DYNC2H1: variants seen among roughly 807,000 people sequenced by gnomAD.
The protein encoded by DYNC2H1 is cytoplasmic dynein 2 heavy chain 1.
In DYNC2H1, 410 loss-of-function variants were observed where a neutral mutation model predicts 570.0. The observed-to-expected ratio is 0.72, with a 90% CI of 0.66 to 0.78. DYNC2H1 has a LOEUF of 0.78. DYNC2H1 is among the 30% of genes least tolerant of loss of function. DYNC2H1 has a pLI of 0.00. For synonymous variants in DYNC2H1, 1,688 were observed against 1,677.6 expected (o/e 1.01, Z -0.15); for missense variants, 4,865 against 5,046.4 (o/e 0.96, Z 1.09).
In DYNC2H1 at chr11:103,390,265, C is replaced by T. The variant is rs1942080538; in HGVS notation, c.12157-9398C>T. Among the ~76,000 whole-genome samples the T allele has an allele frequency of 2.6e-5, 4 of 151,678 alleles. No individual in the cohort carries two copies. The South Asian group carries it at 8.3e-4, about 32-fold the overall frequency. On this transcript the variant is annotated intron_variant, in intron 83 of 88. Transcript: ENST00000375735. ...ACCATTATGTAATGGCCTTCTTTGT[C>T]TCTTTTGATCTTTGTTGGCTTAAAG...
chr11:103,283,574 A>G (rs1039419138), intron 73 of DYNC2H1, among the ~76,000 whole-genome samples: 2 of 152,162 alleles, frequency 1.3e-5, no homozygotes, highest in Admixed American at 1.3e-4. Context: ...GCATTTACTG[A>G]TGGCTTACTA....
At chr11:103,303,617 A>G (rs779176241) in intron 76 of DYNC2H1, among the ~76,000 whole-genome samples, 2 of 152,078 alleles carry the variant, frequency 1.3e-5, no homozygotes, top group Non-Finnish European at 2.9e-5. Context: ...AGATGGAGGA[A>G]CGGGCCATAA....
chr11:103,372,164 G>A (rs375182849), intron 83 of DYNC2H1, among the ~76,000 whole-genome samples: 5 of 148,314 alleles, frequency 3.4e-5, no homozygotes, highest in South Asian at 4.4e-4. Context: ...TTCAGCCTCC[G>A]AGTAGCTGGG....
chr11:103,221,888 T>C, intron 57 of DYNC2H1, 142 bp from the exon 58 acceptor site: 1 of 768,986 alleles, frequency 1.3e-6, no homozygotes, highest in Non-Finnish European at 2.0e-6. Flanking sequence ...GATAATACAT[T>C]AGAAGCTTAA....
At chr11:103,220,135 A>C in intron 56 of DYNC2H1, 107 bp downstream of exon 56, 1 of 605,290 alleles carries the variant, frequency 1.7e-6, no homozygotes, top group Non-Finnish European at 2.6e-6. Context: ...AGTATTATAA[A>C]ATGTGGTTTT....
Position 103,451,419 on chromosome 11 carries a change from G to T in DYNC2H1, c.12457-3767G>T, listed in dbSNP as rs921208505. Among the ~76,000 whole-genome samples the T allele has an allele frequency of 4.0e-5, 5 of 124,916 alleles. No homozygotes were observed. The Admixed American group carries it at 5.4e-4, about 13-fold the overall frequency. The allele number at this position is 124,916 out of a possible 152,430, so 81.9% of individuals were successfully genotyped here. On this transcript the variant is annotated intron_variant, in intron 85 of 88. Coordinates refer to ENST00000375735, the MANE Select transcript of DYNC2H1 (RefSeq NM_001377.3). ...ACAATCTCGGCTCACTGCAACCTCCGCCTCCCAGGTTCAAGCGATTCTCCT... is the reference window on the plus strand; with the variant it reads ...ACAATCTCGGCTCACTGCAACCTCCTCCTCCCAGGTTCAAGCGATTCTCCT...
At chr11:103,192,345 A>T in intron 47 of DYNC2H1, 81 bp downstream of exon 47, 1 of 1,005,628 alleles carries the variant, frequency 9.9e-7, no homozygotes, top group Non-Finnish European at 1.3e-6. Context: ...ATGATTTTAT[A>T]GGTCTAAACA....
intron 84 of DYNC2H1, among the ~76,000 whole-genome samples, chr11:103,432,287 A>G (rs1276647754): frequency 6.6e-6 from 1 of 152,168 alleles, no homozygotes; most frequent in Non-Finnish European, 1.5e-5. Flanking sequence ...TCAAGCTTTT[A>G]TCACCTCTCC....
At chr11:103,399,056 A>AT (rs1275298003) in intron 83 of DYNC2H1, among the ~76,000 whole-genome samples, 1 of 147,978 alleles carries the variant, frequency 6.8e-6, no homozygotes, top group African/African-American at 2.5e-5. Context: ...ACGGGATGCC[A>AT]TTTTTTCTAC....
intron 87 of DYNC2H1, among the ~76,000 whole-genome samples, chr11:103,459,135 C>A (rs1944903897): frequency 6.7e-6 from 1 of 150,282 alleles, no homozygotes; most frequent in Non-Finnish European, 1.5e-5. Context: ...CGGTGAAACC[C>A]CGTCTCTACT....
chr11:103,361,470 CA>C (rs1940636105), intron 83 of DYNC2H1, among the ~76,000 whole-genome samples: 2 of 143,870 alleles, frequency 1.4e-5, no homozygotes, highest in Admixed American at 1.5e-4. Context: ...TTTGTTATAG[CA>C]ACCAGAACAG....
At position 103,321,154 on chromosome 11, in the gene DYNC2H1, T is replaced by A. The variant is rs1565493303; in HGVS notation, c.11851T>A (p.Ser3951Thr). The A allele has an allele frequency of 1.2e-6, 2 of 1,612,118 alleles. No individual in the cohort carries two copies. Among genetic ancestry groups the A allele is most frequent in the Non-Finnish European group, 1.7e-6 (2 of 1,178,902 alleles). ...QSYLKQFFNS[S>T]VIDVFNQRNK... is the part of the protein sequence containing the mutation. Reference sequence around the variant, plus strand: ...ATACCTGAAGCAGTTTTTTAATTCTTCAGTTATTGATGTATTCAACCAAAG... The same window carrying A: ...ATACCTGAAGCAGTTTTTTAATTCTACAGTTATTGATGTATTCAACCAAAG... Residue 3951 changes from serine to threonine, a missense_variant, in exon 81 of 89, where the codon TCA becomes ACA. Physicochemically the swap from Ser to Thr is moderately conservative, Grantham distance 58. Transcript: ENST00000375735.
intron 12 of DYNC2H1, among the ~76,000 whole-genome samples, chr11:103,126,786 G>A (rs1166526854): frequency 4.6e-5 from 7 of 151,924 alleles, no homozygotes; most frequent in Non-Finnish European, 8.8e-5. Flanking sequence ...ATAGGGGCCC[G>A]CCACCAAGCA....
At chr11:103,426,601 C>T (rs578118612) in intron 84 of DYNC2H1, among the ~76,000 whole-genome samples, 36 of 152,230 alleles carry the variant, frequency 2.4e-4, no homozygotes, top group Non-Finnish European at 4.4e-4. Flanking sequence ...TCTATGTTAG[C>T]TTGGAAGACT....
intron 85 of DYNC2H1, among the ~76,000 whole-genome samples, chr11:103,450,429 A>C (rs753865059): frequency 7.5e-4 from 114 of 152,232 alleles, no homozygotes; most frequent in Non-Finnish European, 1.2e-3. Flanking sequence ...GGTAGGTCAC[A>C]TTCTGTGCCA....
chr11:103,144,948 T>C (rs2134838191), intron 18 of DYNC2H1, among the ~76,000 whole-genome samples: 2 of 152,114 alleles, frequency 1.3e-5, no homozygotes, highest in East Asian at 1.9e-4. Flanking sequence ...TGGCATGATA[T>C]ATGCTCACTG....
intron 27 of DYNC2H1, 29 bp downstream of exon 27, chr11:103,158,838 T>C (rs549625513): frequency 1.4e-6 from 2 of 1,459,188 alleles, no homozygotes; most frequent in Non-Finnish European, 1.8e-6. Context: ...AAATATATAA[T>C]AAATTGTAAA....
At chr11:103,408,954 C>T (rs920954032) in intron 84 of DYNC2H1, among the ~76,000 whole-genome samples, 4 of 151,914 alleles carry the variant, frequency 2.6e-5, no homozygotes, top group Non-Finnish European at 5.9e-5. Flanking sequence ...TATATCCCGC[C>T]GGATAGGTCA....
intron 70 of DYNC2H1, among the ~76,000 whole-genome samples, chr11:103,267,043 A>G (rs1865536033): frequency 6.6e-6 from 1 of 151,534 alleles, no homozygotes; most frequent in African/African-American, 2.4e-5. Context: ...TGCCCCTACC[A>G]CTTCTGTAAG....
Sources: allele counts gnomAD v4.1 joint callset (sites outside exome capture counted in the v4.1 genomes callset), GRCh38; gene constraint gnomAD v4.1.1; transcripts MANE v1.5; gene names NCBI Gene and HGNC (gene_info 2026-07-23, HGNC 2026-07-21).